The following BACH2 variants were observed in gnomAD, a reference collection of about 807,000 sequenced individuals.
The protein encoded by BACH2 is BACH transcriptional regulator 2.
Under a neutral mutation model 61.8 loss-of-function variants are expected in BACH2, and 5 were observed. The observed-to-expected ratio is 0.08, with a 90% CI of 0.04 to 0.17. The LOEUF is 0.17. Ranked by LOEUF, BACH2 falls within the 10% of genes least tolerant of loss-of-function variation. The pLI is 1.00. For synonymous variants in BACH2, 446 were observed against 440.1 expected (o/e 1.01, Z -0.17); for missense variants, 824 against 1,091.1 (o/e 0.76, Z 3.45).
intron 4 of BACH2, among the ~76,000 whole-genome samples, chr6:90,169,691 G>C (rs1467884849): frequency 6.6e-6 from 1 of 152,120 alleles, no homozygotes; most frequent in Non-Finnish European, 1.5e-5. Context: ...TTTGCACCCT[G>C]GTGTACACTG....
chr6:89,950,599 G>A lies in BACH2; in HGVS notation c.1507C>T (p.Pro503Ser). 6.2e-7 allele frequency: 1 copy of A among 1,613,470 alleles called. No homozygotes were observed. The highest frequency in any genetic ancestry group is 8.5e-7 in the Non-Finnish European group (1 of 1,179,668). Residue 503 changes from proline to serine, a missense_variant, in exon 7 of 9, where the codon CCA becomes TCA. Around this residue, in one of 8 missense-constraint regions of BACH2, gnomAD observed 102 missense variants for 98.1 expected, o/e 1.04. Coordinates refer to ENST00000257749, the MANE Select transcript of BACH2 (RefSeq NM_021813.4). This position sits in a 1 kb window ranked among gnomAD's most constrained non-coding sequence, Gnocchi z 5.3. ...RMRPNTSCPV[P>S]IKVCPRSPPL... Reference sequence around the variant, plus strand: ...GGTGAGCGAGGGCAGACTTTGATTGGTACCGGGCAGCTGGTGTTGGGCCGC... The same window carrying A: ...GGTGAGCGAGGGCAGACTTTGATTGATACCGGGCAGCTGGTGTTGGGCCGC...
chr6:90,119,680 A>G (rs2127819302), intron 4 of BACH2, among the ~76,000 whole-genome samples: 1 of 152,356 alleles, frequency 6.6e-6, no homozygotes, highest in Middle Eastern at 3.4e-3. Context: ...TTGAAAGGAT[A>G]TAATTAACAT....
chr6:90,165,958 A>G (rs1767596703), intron 4 of BACH2, among the ~76,000 whole-genome samples: 1 of 152,212 alleles, frequency 6.6e-6, no homozygotes, highest in African/African-American at 2.4e-5. Flanking sequence ...TAAAAACCCT[A>G]GAAGAAAACC....
intron 4 of BACH2, among the ~76,000 whole-genome samples, chr6:90,159,962 T>A (rs1785133690): frequency 6.6e-6 from 1 of 152,234 alleles, no homozygotes; most frequent in Admixed American, 6.5e-5. Flanking sequence ...AATCATAATT[T>A]TTTTCAACGA....
intron 5 of BACH2, among the ~76,000 whole-genome samples, chr6:90,064,944 C>G (rs1780869911): frequency 1.3e-5 from 2 of 152,058 alleles, no homozygotes; most frequent in African/African-American, 4.8e-5. Flanking sequence ...CTATCACGTG[C>G]TTGATGCTGG....
chr6:90,002,695 G>T (rs1369906782), intron 6 of BACH2, among the ~76,000 whole-genome samples: 1 of 152,170 alleles, frequency 6.6e-6, no homozygotes, highest in Non-Finnish European at 1.5e-5. Flanking sequence ...GCTTGAACCT[G>T]GGAGGTGGAG....
At chr6:90,110,958 T>C (rs923320390) in intron 4 of BACH2, among the ~76,000 whole-genome samples, 1 of 152,210 alleles carries the variant, frequency 6.6e-6, no homozygotes, top group African/African-American at 2.4e-5. Flanking sequence ...TTGTTACTGC[T>C]TCATACAGGA....
At chr6:90,094,806 T>C (rs1008523628) in intron 4 of BACH2, among the ~76,000 whole-genome samples, 1 of 152,166 alleles carries the variant, frequency 6.6e-6, no homozygotes, top group Non-Finnish European at 1.5e-5. Flanking sequence ...CTGGTTCCCC[T>C]GCCCTAAGTC....
chr6:90,123,323 C>A (rs149645403), intron 4 of BACH2, among the ~76,000 whole-genome samples: 1 of 152,150 alleles, frequency 6.6e-6, no homozygotes, highest in Non-Finnish European at 1.5e-5. Flanking sequence ...TGCCCTGAAG[C>A]CTTTGGAGGA....
chr6:90,290,767 T>C (rs1377355140), intron 1 of BACH2, among the ~76,000 whole-genome samples: 1 of 152,196 alleles, frequency 6.6e-6, no homozygotes, highest in African/African-American at 2.4e-5. Flanking sequence ...CTGAAGTATC[T>C]GCAGAAAGTG....
At chr6:90,242,809 CT>C (rs1419181257) in intron 3 of BACH2, among the ~76,000 whole-genome samples, 3 of 151,904 alleles carry the variant, frequency 2.0e-5, no homozygotes, top group Non-Finnish European at 4.4e-5. Flanking sequence ...TCTAACTAAA[CT>C]TGAAAGATAA....
At position 90,296,533 on chromosome 6, in the gene BACH2, G is replaced by C. The variant is rs1772400102; in HGVS notation, c.-499C>G. ...GCCTCCTCTTCCCCGCGTCTTCCCG[G>C]CTCGCAGCCCCCTCCCGGCAGCCGG... On this transcript the variant is annotated 5_prime_UTR_variant, in exon 1 of 9. Coordinates refer to ENST00000257749, the MANE Select transcript of BACH2 (RefSeq NM_021813.4). 6.6e-6 allele frequency: 1 copy of C among 151,852 alleles called. No individual in the cohort carries two copies. Among genetic ancestry groups the C allele is most frequent in the South Asian group, 2.1e-4 (1 of 4,824 alleles). 9.4% of individuals were successfully genotyped at this position (151,852 alleles called of 1,614,324 possible).
At chr6:90,057,554 A>G (rs970426705) in intron 5 of BACH2, among the ~76,000 whole-genome samples, 4 of 152,204 alleles carry the variant, frequency 2.6e-5, no homozygotes, top group East Asian at 1.9e-4. Context: ...TACAAAGAGG[A>G]GCTGGTACCA....
At chr6:90,017,796 A>G (rs1212306865) in intron 5 of BACH2, among the ~76,000 whole-genome samples, 2 of 152,048 alleles carry the variant, frequency 1.3e-5, no homozygotes, top group Non-Finnish European at 2.9e-5. Context: ...TTCAGTTTTT[A>G]TTGTTATTTA....
rs796447317 is a variant in BACH2 at position 90,146,207 on chromosome 6, C to A, written c.-161-57098G>T. On this transcript the variant is annotated intron_variant, in intron 4 of 8. Transcript: ENST00000257749. Reference sequence around the variant, plus strand: ...ACCACGTGTGACCAAAGATGACCCGCAGAAGTGATGTTACCTGACTCTGTT... The same window carrying A: ...ACCACGTGTGACCAAAGATGACCCGAAGAAGTGATGTTACCTGACTCTGTT... Among the ~76,000 whole-genome samples, 274 of 152,326 alleles carry A rather than the reference C, an allele frequency of 1.8e-3. 7 individuals carry two copies. The South Asian group carries it at 0.034, about 19-fold the overall frequency.
chr6:89,929,057 G>C lies in BACH2; in HGVS notation c.*3351C>G, dbSNP rs1438257520. 1 of 151,930 alleles carries C rather than the reference G, an allele frequency of 6.6e-6. No homozygotes were observed. Among genetic ancestry groups the C allele is most frequent in the Non-Finnish European group, 1.5e-5 (1 of 67,964 alleles). The allele number at this position is 151,930 out of a possible 1,614,324, so 9.4% of individuals were successfully genotyped here. On this transcript the variant is annotated 3_prime_UTR_variant, in exon 9 of 9. Transcript: ENST00000257749. ...ACAAGCAGGACAAAGGCAGATCCAAGGGGAGGACTGGATTTAGGTGGGATG... is the reference window on the plus strand; with the variant it reads ...ACAAGCAGGACAAAGGCAGATCCAACGGGAGGACTGGATTTAGGTGGGATG...
chr6:89,972,370 GAGAGGCCATT>G (rs1476433127), intron 6 of BACH2, among the ~76,000 whole-genome samples: 1 of 152,154 alleles, frequency 6.6e-6, no homozygotes, highest in African/African-American at 2.4e-5. Flanking sequence ...AGACAGATGA[GAGAGGCCATT>G]AGGAGGAAGA....
intron 1 of BACH2, among the ~76,000 whole-genome samples, chr6:90,274,719 A>T (rs569632165): frequency 6.6e-6 from 1 of 152,338 alleles, no homozygotes; most frequent in African/African-American, 2.4e-5. Flanking sequence ...AAAGGGAAAA[A>T]ATCTTTAACT....
intron 6 of BACH2, among the ~76,000 whole-genome samples, chr6:89,986,435 T>C (rs1776246827): frequency 6.6e-6 from 1 of 152,174 alleles, no homozygotes; most frequent in South Asian, 2.1e-4. Context: ...TTCCCTAATA[T>C]CCAGCTTCCA....
Sources: gnomAD v4.1 joint callset for allele counts (sites outside exome capture counted in the v4.1 genomes callset) on GRCh38, gnomAD v4.1.1 for gene constraint, gnomAD v4.1.1 regional missense constraint, Gnocchi (gnomAD v3.1) non-coding constraint, MANE v1.5 for transcripts, NCBI Gene and HGNC (gene_info 2026-07-23, HGNC 2026-07-21) for gene names.